The following TBC1D19 variants were observed in gnomAD, a reference collection of about 807,000 sequenced individuals.
The protein encoded by TBC1D19 is TBC1 domain family member 19.
A neutral mutation model predicts 89.0 loss-of-function variants in TBC1D19; 60 were observed. The ratio of observed to expected loss-of-function variants is 0.67; its 90% CI spans 0.55 to 0.84. The LOEUF is 0.84. Ranked by LOEUF, TBC1D19 falls within the 40% of genes least tolerant of loss-of-function variation. The probability of loss-of-function intolerance (pLI) is 0.00; values close to 1 mark genes in which losing one functional copy is unlikely to be tolerated. For missense variants in TBC1D19, 500 were observed against 610.8 expected, an observed-to-expected ratio of 0.82 and a Z score of 1.91; for synonymous variants, 189 against 199.7, an observed-to-expected ratio of 0.95 and a Z score of 0.45.
At chr4:26,797,805 C>T in the TBC1D19 span, among the ~76,000 whole-genome samples, 9 of 152,156 alleles carry the variant, frequency 5.9e-5, no homozygotes, top group African/African-American at 2.2e-4. Flanking sequence ...AAGGACATCC[C>T]AGTCAATGAG....
At chr4:26,606,106 C>T (rs1388856073) in intron 1 of TBC1D19, among the ~76,000 whole-genome samples, 1 of 152,138 alleles carries the variant, frequency 6.6e-6, no homozygotes, top group African/African-American at 2.4e-5. Flanking sequence ...GCTTCAGCCT[C>T]CCCAGTAGCT....
At chr4:26,629,218 A>G (rs951911994) in intron 4 of TBC1D19, among the ~76,000 whole-genome samples, 10 of 151,932 alleles carry the variant, frequency 6.6e-5, no homozygotes, top group African/African-American at 1.7e-4. Flanking sequence ...CTCTCATCCC[A>G]TATATTTCTG....
chr4:26,603,542 C>G (rs1262928346), intron 1 of TBC1D19, among the ~76,000 whole-genome samples: 2 of 151,936 alleles, frequency 1.3e-5, no homozygotes, highest in East Asian at 3.9e-4. Context: ...CTTCCTTTTT[C>G]CAGTTACATA....
At chr4:26,707,262 G>T (rs1320779840) in intron 13 of TBC1D19, among the ~76,000 whole-genome samples, 1 of 151,864 alleles carries the variant, frequency 6.6e-6, no homozygotes, top group Non-Finnish European at 1.5e-5. Flanking sequence ...TCTTCTTGCT[G>T]TATTGAAACT....
At chr4:26,751,697 T>A (rs774843616) in intron 19 of TBC1D19, among the ~76,000 whole-genome samples, 4 of 152,208 alleles carry the variant, frequency 2.6e-5, no homozygotes, top group Non-Finnish European at 5.9e-5. Flanking sequence ...CTAATGCTTT[T>A]TTGCCCGACT....
At chr4:26,782,114 T>C in the TBC1D19 span, among the ~76,000 whole-genome samples, 1 of 152,208 alleles carries the variant, frequency 6.6e-6, no homozygotes, top group South Asian at 2.1e-4. Flanking sequence ...TTTAAGATGT[T>C]TTAATGAAAT....
chr4:26,712,743 A>G (rs1332253479), intron 13 of TBC1D19, among the ~76,000 whole-genome samples: 7 of 152,050 alleles, frequency 4.6e-5, no homozygotes, highest in Non-Finnish European at 8.8e-5. Context: ...ATGGCACAAA[A>G]TGGAAGGGTA....
At chr4:26,675,045 T>C (rs1482179663) in intron 11 of TBC1D19, among the ~76,000 whole-genome samples, 2 of 152,044 alleles carry the variant, frequency 1.3e-5, no homozygotes, top group Non-Finnish European at 2.9e-5. Context: ...TTTAGACAAA[T>C]GATATTGCTG....
At chr4:26,817,735 A>G in the TBC1D19 span, among the ~76,000 whole-genome samples, 1 of 152,022 alleles carries the variant, frequency 6.6e-6, no homozygotes, top group African/African-American at 2.4e-5. Context: ...TGGGAGGCTG[A>G]GGTGGGCGGA....
At chr4:26,795,519 C>A in the TBC1D19 span, among the ~76,000 whole-genome samples, 1 of 152,096 alleles carries the variant, frequency 6.6e-6, no homozygotes, top group Non-Finnish European at 1.5e-5. Context: ...TGGCTCATAG[C>A]AGGTGCTCAA....
intron 1 of TBC1D19, among the ~76,000 whole-genome samples, chr4:26,601,858 T>C (rs1044521283): frequency 1.3e-5 from 2 of 152,232 alleles, no homozygotes; most frequent in African/African-American, 2.4e-5. Context: ...ATGCCTTTGC[T>C]CAGTCTGTTC....
chr4:26,841,736 C>A, the TBC1D19 span, among the ~76,000 whole-genome samples: 1 of 152,158 alleles, frequency 6.6e-6, no homozygotes, highest in Admixed American at 6.5e-5. Flanking sequence ...CTGTGAGAAC[C>A]TTTTCTTTCT....
chr4:26,696,343 C>A (rs1406493677), intron 13 of TBC1D19, among the ~76,000 whole-genome samples: 1 of 152,124 alleles, frequency 6.6e-6, no homozygotes, highest in African/African-American at 2.4e-5. Flanking sequence ...ATACAGGACA[C>A]CCAGATTCAT....
At chr4:26,665,006 T>C (rs926702617) in intron 8 of TBC1D19, among the ~76,000 whole-genome samples, 3 of 152,014 alleles carry the variant, frequency 2.0e-5, no homozygotes, top group African/African-American at 7.2e-5. Flanking sequence ...CCGAGTGCTG[T>C]TGGGGAGGTT....
chr4:26,728,579 G>T (rs1717460954), intron 15 of TBC1D19, among the ~76,000 whole-genome samples: 1 of 152,198 alleles, frequency 6.6e-6, no homozygotes, highest in Admixed American at 6.5e-5. Flanking sequence ...ACTTGAAAAA[G>T]AAATGTTTTT....
At chr4:26,577,889 T>C (rs1050969470) in intron 1 of TBC1D19, among the ~76,000 whole-genome samples, 2 of 152,272 alleles carry the variant, frequency 1.3e-5, no homozygotes, top group African/African-American at 2.4e-5. Flanking sequence ...ATGCATATTT[T>C]GGAATACATA....
chr4:26,843,808 G>T, the TBC1D19 span, among the ~76,000 whole-genome samples: 1 of 152,142 alleles, frequency 6.6e-6, no homozygotes, highest in Non-Finnish European at 1.5e-5. Flanking sequence ...CTCAGCTTCT[G>T]GGGAGGCCTT....
intron 13 of TBC1D19, among the ~76,000 whole-genome samples, chr4:26,708,942 C>G (rs531278045): frequency 6.6e-6 from 1 of 151,006 alleles, no homozygotes; most frequent in African/African-American, 2.4e-5. Flanking sequence ...CTTTCTATAG[C>G]AAATCTGCCA....
chr4:26,642,875 G>A (rs199801717), intron 7 of TBC1D19, among the ~76,000 whole-genome samples: 2 of 152,162 alleles, frequency 1.3e-5, no homozygotes, highest in Admixed American at 1.3e-4. Context: ...AACAAGAAGA[G>A]CTAATTATCC....
Sources: allele counts gnomAD v4.1 joint callset (sites outside exome capture counted in the v4.1 genomes callset), GRCh38; gene constraint gnomAD v4.1.1; transcripts MANE v1.5; gene names NCBI Gene and HGNC (gene_info 2026-07-23, HGNC 2026-07-21).